Variants in FAM20A observed in about 807,000 individuals in gnomAD.
The protein encoded by FAM20A is pseudokinase FAM20A.
FAM20A carries 42 observed loss-of-function variants against 52.0 expected under a neutral mutation model. The observed-to-expected ratio is 0.81, with a 90% CI of 0.63 to 1.04. The LOEUF is 1.04. Ranked by LOEUF, FAM20A falls within the 50% of genes least tolerant of loss-of-function variation. FAM20A has a pLI of 0.00. For synonymous variants in FAM20A, 304 were observed against 298.9 expected (o/e 1.02, Z -0.18); for missense variants, 742 against 712.7 (o/e 1.04, Z -0.47).
chr17:68,541,980 C>G lies in FAM20A; in HGVS notation c.1109+5G>C. 1 of 1,612,506 alleles carries G rather than the reference C, an allele frequency of 6.2e-7. No homozygotes were observed. Among genetic ancestry groups the G allele is most frequent in the Non-Finnish European group, 8.5e-7 (1 of 1,179,042 alleles). On this transcript the variant is annotated splice_donor_5th_base_variant and intron_variant, in intron 7 of 10. Transcript: ENST00000592554. ...CTGGGCTGTGTGGCCTGGGGACCAA[C>G]TCACTCCTCTTTTCCTGCCAGTGTG... is the stretch of plus-strand genomic sequence containing the variant.
rs780415641 is a variant in FAM20A, at chr17:68,539,387, TC to T, written c.1310del (p.Arg437HisfsTer18). 1.2e-6 allele frequency: 2 copies of T among 1,614,156 alleles called. No homozygotes were observed. The highest frequency in any genetic ancestry group is 2.2e-5 in the South Asian group (2 of 91,076). The stretch of plus-strand genomic sequence containing the variant: ...GGATGGAGATTTCATCATGGGAGTG[TC>T]GTCCGAACCTAGGAGGAGAAACAGG... ...IHLDNARGFG[R>X]HSHDEISILS... is the part of the protein sequence containing the mutation. On this transcript the variant is annotated frameshift_variant, in exon 10 of 11. Transcript: ENST00000592554. LOFTEE classifies it high-confidence loss of function.
At position 68,583,885 on chromosome 17, in the gene FAM20A, C is replaced by CA. The variant is rs1227500424; in HGVS notation, c.404+16377dup. Among the ~76,000 whole-genome samples the CA allele has an allele frequency of 2.6e-5, 4 of 151,000 alleles. No individual in the cohort carries two copies. In the East Asian group the frequency reaches 5.9e-4, roughly 22 times the overall value. On this transcript the variant is annotated intron_variant, in intron 1 of 10. Coordinates refer to ENST00000592554, the MANE Select transcript of FAM20A (RefSeq NM_017565.4). ...TGGGTGACAGAGTGAGACTCCATCT[C>CA]AAAAAAAAGATGATAGTCACAGGTT...
chr17:68,571,605 G>A (rs961949909), intron 1 of FAM20A, among the ~76,000 whole-genome samples: 1 of 152,150 alleles, frequency 6.6e-6, no homozygotes, highest in Non-Finnish European at 1.5e-5. Context: ...TCTTGCATCT[G>A]TTTGATCCAT....
rs181131675 is a variant in FAM20A, at chr17:68,550,280, A to G, written c.719+1593T>C. On this transcript the variant is annotated intron_variant, in intron 4 of 10. Coordinates refer to ENST00000592554, the MANE Select transcript of FAM20A (RefSeq NM_017565.4). ...AAAATCAATATAAATATAAGCAGAC[A>G]TTCAATTGTCTCATGTACATTTCTG... Among the ~76,000 whole-genome samples the G allele has an allele frequency of 5.5e-3, 831 of 151,812 alleles. 7 individuals carry two copies. Among genetic ancestry groups the G allele is most frequent in the Middle Eastern group, 0.034 (10 of 292 alleles).
intron 1 of FAM20A, chr17:68,582,412 G>A (rs547324051): frequency 8.5e-5 from 13 of 152,406 alleles, no homozygotes; most frequent in African/African-American, 2.9e-4. Context: ...TAAGTCAAGT[G>A]AGGGCGATGG....
intron 4 of FAM20A, among the ~76,000 whole-genome samples, chr17:68,545,234 TCCTGTC>T (rs2086493756): frequency 6.6e-6 from 1 of 152,242 alleles, no homozygotes; most frequent in Non-Finnish European, 1.5e-5. Flanking sequence ...ATAAAATTGG[TCCTGTC>T]ACTGAATGTT....
rs760163489 is a variant in FAM20A at position 68,542,703 on chromosome 17, CAAAG to C, written c.915_918del (p.Phe305LeufsTer76). 3.1e-5 allele frequency: 50 copies of C among 1,613,264 alleles called. No homozygotes were observed. The highest frequency in any genetic ancestry group is 4.5e-5 in the East Asian group (2 of 44,874). ...CGGGCCAGTACTCTACCTGGAGAGACAAAGAAAACACTCTGCAGGATTTCATTCT... is the reference window on the plus strand; with the variant it reads ...CGGGCCAGTACTCTACCTGGAGAGACAAAACACTCTGCAGGATTTCATTCT... On this transcript the variant is annotated frameshift_variant, in exon 6 of 11. Coordinates refer to ENST00000592554, the MANE Select transcript of FAM20A (RefSeq NM_017565.4). LOFTEE classifies it high-confidence loss of function.
At chr17:68,541,001 G>T (rs768226161) in intron 7 of FAM20A, 43 bp from the exon 8 acceptor site, 1 of 1,552,102 alleles carries the variant, frequency 6.4e-7, no homozygotes, top group South Asian at 1.2e-5. Flanking sequence ...AGCCAAGATG[G>T]CAGGGTGTCG....
chr17:68,539,241 C>T, intron 10 of FAM20A, 96 bp downstream of exon 10: 1 of 1,176,012 alleles, frequency 8.5e-7, no homozygotes, highest in Non-Finnish European at 1.3e-6. Flanking sequence ...ACGTCCTGGA[C>T]CAGTGAAAAC....
chr17:68,582,780 AT>A (rs34025800), intron 1 of FAM20A, among the ~76,000 whole-genome samples: 12,082 of 78,740 alleles, frequency 0.15, 256 homozygotes, highest in East Asian at 0.3. Context: ...GCCAGGATTA[AT>A]TTTTTTTTTT....
Position 68,568,466 on chromosome 17 carries a change from T to G in FAM20A, c.405-12723A>C, listed in dbSNP as rs1272209773. Among the ~76,000 whole-genome samples, 6 of 149,408 alleles carry G rather than the reference T, an allele frequency of 4.0e-5. No individual in the cohort carries two copies. In the East Asian group the frequency reaches 1.2e-3, roughly 29 times the overall value. On this transcript the variant is annotated intron_variant, in intron 1 of 10. Coordinates refer to ENST00000592554, the MANE Select transcript of FAM20A (RefSeq NM_017565.4). Reference sequence around the variant, plus strand: ...CTGGGTGACAGAGCGAGACTCCATCTCTAAAATAAATAAATAAATAAATAA... The same window carrying G: ...CTGGGTGACAGAGCGAGACTCCATCGCTAAAATAAATAAATAAATAAATAA...
intron 1 of FAM20A, among the ~76,000 whole-genome samples, chr17:68,578,249 C>T (rs1160642744): frequency 3.3e-5 from 5 of 152,202 alleles, no homozygotes; most frequent in Admixed American, 3.3e-4. Flanking sequence ...GCCTATCATA[C>T]AGGCATGGGC....
At position 68,547,887 on chromosome 17, in the gene FAM20A, TTGGCTTTCAACGTGCCTTCCTTAC is replaced by T. The variant is rs752902775; in HGVS notation, c.719+3962_719+3985del. Among the ~76,000 whole-genome samples the T allele has an allele frequency of 6.1e-4, 93 of 152,386 alleles. 1 individual carries two copies. The highest frequency in any genetic ancestry group is 3.4e-3 in the Middle Eastern group (1 of 294). Reference sequence around the variant, plus strand: ...CACAAAAAGCTTAGCTTTTGGCTTATTGGCTTTCAACGTGCCTTCCTTACTAGCCTCCTGAATAATTTCTCGCTT... The same window carrying T: ...CACAAAAAGCTTAGCTTTTGGCTTATTAGCCTCCTGAATAATTTCTCGCTT... On this transcript the variant is annotated intron_variant, in intron 4 of 10. Coordinates refer to ENST00000592554, the MANE Select transcript of FAM20A (RefSeq NM_017565.4).
chr17:68,560,763 C>T (rs148838254), intron 1 of FAM20A, among the ~76,000 whole-genome samples: 1 of 152,288 alleles, frequency 6.6e-6, no homozygotes, highest in Non-Finnish European at 1.5e-5. Context: ...CCAAAGTACC[C>T]TCTGCCAAGG....
At chr17:68,571,843 C>A (rs991093747) in intron 1 of FAM20A, among the ~76,000 whole-genome samples, 1 of 150,776 alleles carries the variant, frequency 6.6e-6, no homozygotes, top group Non-Finnish European at 1.5e-5. Context: ...GAATACAAAA[C>A]CAGGTATGAG....
intron 1 of FAM20A, among the ~76,000 whole-genome samples, chr17:68,574,795 A>C (rs1459365739): frequency 6.6e-6 from 1 of 152,170 alleles, no homozygotes; most frequent in Non-Finnish European, 1.5e-5. Context: ...GCCCCCAAAG[A>C]GATCTGCGTC....
At chr17:68,593,651 T>C (rs938254418) in intron 1 of FAM20A, among the ~76,000 whole-genome samples, 1 of 152,214 alleles carries the variant, frequency 6.6e-6, no homozygotes, top group Non-Finnish European at 1.5e-5. Flanking sequence ...TAACAGGCCA[T>C]TGACTAACAG....
At position 68,601,050 on chromosome 17, in the gene FAM20A, G is replaced by C. The variant is rs1254436799; in HGVS notation, c.-384C>G. 1 of 151,062 alleles carries C rather than the reference G, an allele frequency of 6.6e-6. No homozygotes were observed. Among genetic ancestry groups the C allele is most frequent in the Non-Finnish European group, 1.5e-5 (1 of 67,898 alleles). The allele number at this position is 151,062 out of a possible 1,614,324, so 9.4% of individuals were successfully genotyped here. Reference sequence around the variant, plus strand: ...ACCGCGGGCGGACGGGCGACGGGGCGGGGGGCGACCGCGGAGGGCGGACGG... The same window carrying C: ...ACCGCGGGCGGACGGGCGACGGGGCCGGGGGCGACCGCGGAGGGCGGACGG... On this transcript the variant is annotated 5_prime_UTR_variant, in exon 1 of 11. Coordinates refer to ENST00000592554, the MANE Select transcript of FAM20A (RefSeq NM_017565.4).
chr17:68,599,926 TGGGAGCGGACGAGGGAGC>T (rs2088562858), intron 1 of FAM20A, among the ~76,000 whole-genome samples: 1 of 152,132 alleles, frequency 6.6e-6, no homozygotes, highest in Non-Finnish European at 1.5e-5. Context: ...GAGTGGGGTT[TGGGAGCGGACGAGGGAGC>T]GGGAGTGGAC....
Sources: gnomAD v4.1 joint callset for allele counts (sites outside exome capture counted in the v4.1 genomes callset) on GRCh38, gnomAD v4.1.1 for gene constraint, MANE v1.5 for transcripts, NCBI Gene and HGNC (gene_info 2026-07-23, HGNC 2026-07-21) for gene names.